TP63: variants seen among roughly 807,000 people sequenced by gnomAD.
TP63 encodes the protein tumor protein 63.
In TP63, 17 loss-of-function variants were observed where a neutral mutation model predicts 82.8. The ratio of observed to expected loss-of-function variants is 0.21; its 90% confidence interval spans 0.14 to 0.31. TP63 has a LOEUF of 0.31. Ranked by LOEUF, TP63 falls within the 10% of genes least tolerant of loss-of-function variation. The probability of loss-of-function intolerance (pLI) is 1.00; values close to 1 mark genes in which losing one functional copy is unlikely to be tolerated. For synonymous variants in TP63, 330 were observed against 321.7 expected, an observed-to-expected ratio of 1.03 and a Z score of -0.28; for missense variants, 648 against 895.3, an observed-to-expected ratio of 0.72 and a Z score of 3.52.
At position 189,868,651 on chromosome 3, in the gene TP63, A is replaced by T. The variant is rs1577147986; in HGVS notation, c.1064A>T (p.Asp355Val). 1 of 1,614,154 alleles carries T rather than the reference A, an allele frequency of 6.2e-7. No homozygotes were observed. The highest frequency in any genetic ancestry group is 8.5e-7 in the Non-Finnish European group (1 of 1,180,004). Residue 355 changes from aspartate (D) to valine (V), a missense_variant, in exon 8 of 14, where the codon GAT (aspartate) becomes GTT (valine). Asp to Val is a radical substitution (Grantham distance 152). Around this residue, in one of 5 missense-constraint regions of TP63, gnomAD observed 30 missense variants for 85.4 expected, o/e 0.35. Coordinates refer to ENST00000264731, the MANE Select transcript of TP63 (RefSeq NM_003722.5). ...CACPGRDRKA[D>V]EDSIRKQQVS... The stretch of plus-strand genomic sequence containing the variant: ...TGCCCAGGAAGAGACAGGAAGGCGG[A>T]TGAAGATAGCATCAGAAAGCAGCAA...
At chr3:189,676,866 C>G (rs1001806733) in intron 1 of TP63, among the ~76,000 whole-genome samples, 17 of 152,022 alleles carry the variant, frequency 1.1e-4, no homozygotes, top group African/African-American at 2.7e-4. Context: ...CACCCACCCC[C>G]CAACATCAGT....
At chr3:189,683,339 G>A (rs1449666728) in intron 1 of TP63, among the ~76,000 whole-genome samples, 4 of 152,122 alleles carry the variant, frequency 2.6e-5, no homozygotes, top group African/African-American at 9.7e-5. Flanking sequence ...AACATATGTT[G>A]CCCAAGGCTT....
intron 1 of TP63, among the ~76,000 whole-genome samples, chr3:189,682,545 AAAAAAAAAATATATAT>A (rs1403630597): frequency 4.2e-5 from 3 of 71,250 alleles, no homozygotes; most frequent in African/African-American, 6.1e-5. Flanking sequence ...GGAAAAAAAA[AAAAAAAAAATATATAT>A]ATATATATAT....
At chr3:189,605,465 A>G in the TP63 span, among the ~76,000 whole-genome samples, 1 of 152,302 alleles carries the variant, frequency 6.6e-6, no homozygotes, top group South Asian at 2.1e-4. Flanking sequence ...TTGTGCCTCC[A>G]GAGTCATATG....
At chr3:189,683,987 G>C (rs17505102) in intron 1 of TP63, among the ~76,000 whole-genome samples, 14,680 of 152,124 alleles carry the variant, frequency 0.097, 803 homozygotes, top group South Asian at 0.16. Flanking sequence ...ATTACACCCT[G>C]GACATCTGCA....
intron 1 of TP63, among the ~76,000 whole-genome samples, chr3:189,646,512 T>C (rs1280567887): frequency 2.0e-5 from 3 of 147,460 alleles, no homozygotes; most frequent in African/African-American, 7.6e-5. Context: ...ATATACATTA[T>C]AGCTAACATT....
chr3:189,775,974 A>G (rs1723763990), intron 3 of TP63, among the ~76,000 whole-genome samples: 1 of 152,206 alleles, frequency 6.6e-6, no homozygotes, highest in Non-Finnish European at 1.5e-5. Flanking sequence ...ATGAGGAGAG[A>G]AGGAGAGCCA....
intron 1 of TP63, among the ~76,000 whole-genome samples, chr3:189,675,307 T>G (rs1287544896): frequency 1.3e-5 from 2 of 151,924 alleles, no homozygotes; most frequent in Non-Finnish European, 2.9e-5. Flanking sequence ...ATACAAACAT[T>G]AAGATCATAG....
At chr3:189,823,633 T>C (rs1033888474) in intron 4 of TP63, among the ~76,000 whole-genome samples, 24 of 152,204 alleles carry the variant, frequency 1.6e-4, no homozygotes, top group African/African-American at 5.8e-4. Context: ...TGATTAGCTA[T>C]TTTACTAGAG....
At chr3:189,610,921 G>A in the TP63 span, among the ~76,000 whole-genome samples, 3 of 152,134 alleles carry the variant, frequency 2.0e-5, no homozygotes, top group Non-Finnish European at 4.4e-5. Context: ...CAAAAAGAGA[G>A]CGCTTGTGCA....
chr3:189,773,110 G>A (rs1723498566), intron 3 of TP63, among the ~76,000 whole-genome samples: 1 of 152,182 alleles, frequency 6.6e-6, no homozygotes, highest in Non-Finnish European at 1.5e-5. Context: ...TGACCAGGAT[G>A]TGAAGCAATC....
chr3:189,795,082 T>C (rs1725559132), intron 3 of TP63, among the ~76,000 whole-genome samples: 1 of 152,080 alleles, frequency 6.6e-6, no homozygotes, highest in Non-Finnish European at 1.5e-5. Context: ...ATTTAGAAGA[T>C]AAATTATATA....
intron 1 of TP63, among the ~76,000 whole-genome samples, chr3:189,724,232 A>T (rs1719606178): frequency 6.6e-6 from 1 of 152,102 alleles, no homozygotes; most frequent in Admixed American, 6.5e-5. Flanking sequence ...GGGATGCGAG[A>T]TATAAATGTA....
At chr3:189,732,280 T>TGTAA (rs1370950955) in intron 1 of TP63, among the ~76,000 whole-genome samples, 3 of 152,158 alleles carry the variant, frequency 2.0e-5, no homozygotes. Flanking sequence ...CCCTGTCTTT[T>TGTAA]GTAATAAAGC....
intron 1 of TP63, among the ~76,000 whole-genome samples, chr3:189,668,979 A>G (rs897870434): frequency 3.9e-5 from 6 of 152,040 alleles, no homozygotes; most frequent in South Asian, 4.1e-4. Flanking sequence ...ACACCTAGGC[A>G]TATCATAAAT....
In TP63 at chr3:189,829,657, G is replaced by A. The variant is rs1051669467; in HGVS notation, c.579+21131G>A. On this transcript the variant is annotated intron_variant, in intron 4 of 13. Coordinates refer to ENST00000264731, the MANE Select transcript of TP63 (RefSeq NM_003722.5). ...AAGCCTAGAGTCTGGCGAGGACTTA[G>A]AAGAGAAAAAGATTCTGGAAAGTTT... Among the ~76,000 whole-genome samples the A allele has an allele frequency of 7.2e-5, 11 of 152,290 alleles. 1 individual carries two copies. The highest frequency in any genetic ancestry group is 2.6e-4 in the African/African-American group (11 of 41,564).
chr3:189,864,157 G>A, intron 4 of TP63, 75 bp from the exon 5 acceptor site: 1 of 1,594,764 alleles, frequency 6.3e-7, no homozygotes, highest in Non-Finnish European at 8.6e-7. Flanking sequence ...GATTTTCATT[G>A]TTCTGATTTG....
chr3:189,768,252 TA>T (rs1723092491), intron 3 of TP63, among the ~76,000 whole-genome samples: 1 of 152,144 alleles, frequency 6.6e-6, no homozygotes, highest in Non-Finnish European at 1.5e-5. Flanking sequence ...ATTGGTTCAA[TA>T]AACGTGGGCT....
intron 10 of TP63, chr3:189,880,596 T>C: frequency 1.0e-6 from 1 of 986,256 alleles, no homozygotes; most frequent in Non-Finnish European, 1.2e-6. Context: ...GATGTCTTTT[T>C]AAGAAAAGGA....
Sources: gnomAD v4.1 joint callset for allele counts (sites outside exome capture counted in the v4.1 genomes callset) on GRCh38, gnomAD v4.1.1 for gene constraint, gnomAD v4.1.1 regional missense constraint, MANE v1.5 for transcripts, NCBI Gene and HGNC (gene_info 2026-07-23, HGNC 2026-07-21) for gene names.